Variants in SLC1A2 observed in about 807,000 individuals in gnomAD.
The protein encoded by SLC1A2 is excitatory amino acid transporter 2.
SLC1A2 carries 15 observed loss-of-function variants against 48.8 expected under a neutral mutation model. That is an observed-to-expected ratio of 0.31 (90% CI 0.21 to 0.47). The LOEUF (loss-of-function observed/expected upper bound fraction) is 0.47. Ranked by LOEUF, SLC1A2 falls within the 20% of genes least tolerant of loss-of-function variation. The probability of loss-of-function intolerance (pLI) is 0.99; values close to 1 mark genes in which losing one functional copy is unlikely to be tolerated. For missense variants in SLC1A2, 502 were observed against 730.5 expected (o/e 0.69, Z 3.61); for synonymous variants, 279 against 272.6 (o/e 1.02, Z -0.23).
intron 1 of SLC1A2, among the ~76,000 whole-genome samples, chr11:35,326,827 T>C (rs990543247): frequency 2.0e-5 from 3 of 152,184 alleles, no homozygotes; most frequent in Non-Finnish European, 2.9e-5. Flanking sequence ...TTGAGAGAAC[T>C]ATCCCTTTGG....
intron 1 of SLC1A2, 27 bp downstream of exon 1, chr11:35,418,923 C>A: frequency 6.4e-7 from 1 of 1,554,634 alleles, no homozygotes; most frequent in Non-Finnish European, 8.7e-7. Context: ...CCCGCTTTCC[C>A]GCGGGTACAG....
chr11:35,322,082 C>A (rs1284440002), intron 1 of SLC1A2, among the ~76,000 whole-genome samples: 1 of 152,170 alleles, frequency 6.6e-6, no homozygotes, highest in East Asian at 1.9e-4. Flanking sequence ...GATGGGACAG[C>A]TGTTGGGATA....
chr11:35,268,528 G>A (rs1201155349), intron 9 of SLC1A2, among the ~76,000 whole-genome samples: 1 of 151,996 alleles, frequency 6.6e-6, no homozygotes, highest in African/African-American at 2.4e-5. Context: ...AGCCGGGCAT[G>A]GTGGTGTGCA....
chr11:35,286,068 G>T (rs1850810140), intron 8 of SLC1A2: 1 of 152,144 alleles, frequency 6.6e-6, no homozygotes. Context: ...ACAGAGTGTT[G>T]GCTTGGCTAG....
intron 1 of SLC1A2, among the ~76,000 whole-genome samples, chr11:35,387,354 A>C (rs1366918004): frequency 6.6e-6 from 1 of 152,126 alleles, no homozygotes; most frequent in African/African-American, 2.4e-5. Context: ...CTGGCCACTG[A>C]GGAGGCTCCC....
intron 1 of SLC1A2, among the ~76,000 whole-genome samples, chr11:35,361,346 C>A (rs1853674778): frequency 6.6e-6 from 1 of 152,112 alleles, no homozygotes; most frequent in South Asian, 2.1e-4. Flanking sequence ...AACATGTTAA[C>A]TTTTTGTTTG....
intron 1 of SLC1A2, among the ~76,000 whole-genome samples, chr11:35,393,293 C>T (rs1337065269): frequency 6.6e-6 from 1 of 152,188 alleles, no homozygotes; most frequent in Non-Finnish European, 1.5e-5. Flanking sequence ...CCTAGCAGAG[C>T]AGCAGCCTCT....
intron 1 of SLC1A2, among the ~76,000 whole-genome samples, chr11:35,368,009 T>C (rs1853914118): frequency 6.6e-6 from 1 of 152,206 alleles, no homozygotes; most frequent in Non-Finnish European, 1.5e-5. Context: ...AAATGGAGGT[T>C]AAAAAGTATT....
At chr11:35,358,103 T>G (rs1030091040) in intron 1 of SLC1A2, among the ~76,000 whole-genome samples, 11 of 151,570 alleles carry the variant, frequency 7.3e-5, no homozygotes, top group African/African-American at 2.7e-4. Flanking sequence ...CGAGATTGTG[T>G]CACTGTACTC....
chr11:35,290,010 T>C (rs1165580421), intron 7 of SLC1A2, among the ~76,000 whole-genome samples: 4 of 152,180 alleles, frequency 2.6e-5, no homozygotes. Context: ...AAGATATGCA[T>C]ATCCCATGAG....
intron 1 of SLC1A2, among the ~76,000 whole-genome samples, chr11:35,331,866 C>G (rs1269171130): frequency 6.6e-6 from 1 of 152,140 alleles, no homozygotes; most frequent in Non-Finnish European, 1.5e-5. Flanking sequence ...TTTGCCTCTC[C>G]CACTAGGCCT....
At chr11:35,276,972 G>T (rs1850460790) in intron 9 of SLC1A2, among the ~76,000 whole-genome samples, 1 of 152,094 alleles carries the variant, frequency 6.6e-6, no homozygotes, top group Non-Finnish European at 1.5e-5. Flanking sequence ...CAAGAAACTG[G>T]TATCTGGTAA....
intron 1 of SLC1A2, among the ~76,000 whole-genome samples, chr11:35,378,957 AGTGACTCATGCCTG>A (rs1854329996): frequency 6.6e-6 from 1 of 152,176 alleles, no homozygotes; most frequent in Non-Finnish European, 1.5e-5. Context: ...GGCCAGGCGC[AGTGACTCATGCCTG>A]TAATCCCAGC....
intron 1 of SLC1A2, among the ~76,000 whole-genome samples, chr11:35,396,298 G>A (rs1242742342): frequency 1.0e-4 from 12 of 118,504 alleles, no homozygotes; most frequent in South Asian, 3.5e-4. Flanking sequence ...CACCAACAGT[G>A]TAAAAGTGTT....
chr11:35,284,087 T>TTTTATATATATATATATATA (rs1554993896), intron 8 of SLC1A2, among the ~76,000 whole-genome samples: 1 of 115,900 alleles, frequency 8.6e-6, no homozygotes, highest in African/African-American at 3.3e-5. Flanking sequence ...GAAGATTTTA[T>TTTTATATATATATATATATA]TATATATATA....
chr11:35,300,883 G>A (rs1851332454), intron 6 of SLC1A2, among the ~76,000 whole-genome samples: 1 of 152,058 alleles, frequency 6.6e-6, no homozygotes, highest in South Asian at 2.1e-4. Flanking sequence ...GCTGGGCATG[G>A]TAGTGTGCAC....
At chr11:35,340,811 G>A (rs1258820904) in intron 1 of SLC1A2, among the ~76,000 whole-genome samples, 1 of 152,186 alleles carries the variant, frequency 6.6e-6, no homozygotes, top group African/African-American at 2.4e-5. Flanking sequence ...TGCAGACACT[G>A]AAGTGAGACC....
At chr11:35,332,356 G>C (rs1288715475) in intron 1 of SLC1A2, among the ~76,000 whole-genome samples, 1 of 152,202 alleles carries the variant, frequency 6.6e-6, no homozygotes, top group Non-Finnish European at 1.5e-5. Flanking sequence ...TTGGAAGAAA[G>C]GCTTGTTCCT....
At chr11:35,364,110 A>G (rs1428024589) in intron 1 of SLC1A2, among the ~76,000 whole-genome samples, 1 of 152,172 alleles carries the variant, frequency 6.6e-6, no homozygotes, top group Non-Finnish European at 1.5e-5. Context: ...TAAGAACACC[A>G]TATGTGTCCC....
Sources: allele counts gnomAD v4.1 joint callset (sites outside exome capture counted in the v4.1 genomes callset), GRCh38; gene constraint gnomAD v4.1.1; transcripts MANE v1.5; gene names NCBI Gene and HGNC (gene_info 2026-07-23, HGNC 2026-07-21).